The following RPH3A variants were observed in gnomAD, a reference collection of about 807,000 sequenced individuals.
The protein encoded by RPH3A is rabphilin 3A, also known as rabphilin-3A.
RPH3A carries 48 observed loss-of-function variants against 102.2 expected under a neutral mutation model. The observed-to-expected ratio is 0.47, with a 90% CI of 0.37 to 0.60. The LOEUF (loss-of-function observed/expected upper bound fraction) is 0.60, where lower values mean the gene tolerates loss of function less well. Ranked by LOEUF, RPH3A falls within the 20% of genes least tolerant of loss-of-function variation. The pLI is 0.00. For missense variants in RPH3A, 781 were observed against 910.1 expected (o/e 0.86, Z 1.83); for synonymous variants, 310 against 324.3 (o/e 0.96, Z 0.47).
intron 1 of RPH3A, among the ~76,000 whole-genome samples, chr12:112,761,291 G>T (rs2040853628): frequency 6.6e-6 from 1 of 152,196 alleles, no homozygotes; most frequent in Non-Finnish European, 1.5e-5. Flanking sequence ...CATCAACAGA[G>T]AGCAATGTGT....
chr12:112,759,971 G>C (rs886225948), intron 1 of RPH3A, among the ~76,000 whole-genome samples: 1 of 152,170 alleles, frequency 6.6e-6, no homozygotes, highest in Non-Finnish European at 1.5e-5. Context: ...GAGTCACGTC[G>C]GCTGGACCAG....
In RPH3A at chr12:112,883,277, C is replaced by A; in HGVS notation, c.1327-16C>A. ...CACTGAGGTAGGTGTCTCTGTCCAT[C>A]TCTCTCGGGCTCTAGTCCAACAAGC... On this transcript the variant is annotated splice_polypyrimidine_tract_variant and intron_variant, in intron 15 of 21. Transcript: ENST00000389385. 6.2e-7 allele frequency: 1 copy of A among 1,605,630 alleles called. No individual in the cohort carries two copies. The highest frequency in any genetic ancestry group is 1.3e-5 in the African/African-American group (1 of 74,886).
At chr12:112,861,652 A>G (rs1226359668) in intron 5 of RPH3A, among the ~76,000 whole-genome samples, 1 of 152,182 alleles carries the variant, frequency 6.6e-6, no homozygotes, top group Non-Finnish European at 1.5e-5. Flanking sequence ...TCTGTGTCTC[A>G]GTTTTCTCAT....
At chr12:112,831,911 T>G (rs1309443540) in intron 3 of RPH3A, 6 of 414,772 alleles carry the variant, frequency 1.4e-5, no homozygotes, top group Non-Finnish European at 2.9e-5. Context: ...TATTTCTTAT[T>G]GCTTTTTTCT....
At position 112,814,302 on chromosome 12, in the gene RPH3A, C is replaced by A. The variant is rs1360208900; in HGVS notation, c.-18-13999C>A. 2.0e-5 allele frequency among the ~76,000 whole-genome samples: 3 copies of A among 151,998 alleles called. No individual in the cohort carries two copies. The East Asian group carries it at 5.8e-4, about 29-fold the overall frequency. On this transcript the variant is annotated intron_variant, in intron 2 of 21. Coordinates refer to ENST00000389385, the MANE Select transcript of RPH3A (RefSeq NM_001143854.2). ...CCCCCTATATGTGGGGCATTTTAAC[C>A]ACATATAAGAGAGAAGAGTCTGTGA...
intron 1 of RPH3A, among the ~76,000 whole-genome samples, chr12:112,725,921 G>A (rs1393080220): frequency 6.6e-6 from 1 of 151,692 alleles, no homozygotes; most frequent in Non-Finnish European, 1.5e-5. Flanking sequence ...TCAGCCTCAC[G>A]AGTAGCTGGG....
chr12:112,766,414 C>T (rs116279769), intron 1 of RPH3A, among the ~76,000 whole-genome samples: 2,106 of 152,280 alleles, frequency 0.014, 49 homozygotes, highest in African/African-American at 0.048. Flanking sequence ...CACCTCAACC[C>T]CTGGTCTTAG....
At position 112,752,968 on chromosome 12, in the gene RPH3A, C is replaced by CTTTTTTTTTTT. The variant is rs3037266; in HGVS notation, c.-139-39165_-139-39155dup. Among the ~76,000 whole-genome samples the CTTTTTTTTTTT allele has an allele frequency of 2.5e-5, 3 of 118,934 alleles. 1 individual carries two copies. Among genetic ancestry groups the CTTTTTTTTTTT allele is most frequent in the African/African-American group, 6.6e-5 (2 of 30,408 alleles). 78.0% of individuals were successfully genotyped at this position (118,934 alleles called of 152,430 possible). ...GTACATTTGGGTGGTGTCCAGTTTT[C>CTTTTTTTTTTT]TTTTTTTTTTTTTTTTTTTTGCTGT... On this transcript the variant is annotated intron_variant, in intron 1 of 21. Transcript: ENST00000543106.
chr12:112,864,764 C>T (rs1593100204), intron 5 of RPH3A, among the ~76,000 whole-genome samples: 1 of 152,214 alleles, frequency 6.6e-6, no homozygotes, highest in Admixed American at 6.5e-5. Flanking sequence ...AGTCTTCCTG[C>T]GTTCTGTTCA....
At chr12:112,651,134 T>C (rs1446757112) in intron 1 of RPH3A, among the ~76,000 whole-genome samples, 1 of 151,546 alleles carries the variant, frequency 6.6e-6, no homozygotes, top group East Asian at 2.0e-4. Context: ...CTGAGACGGG[T>C]GGATCGCTTG....
At chr12:112,831,807 T>C (rs2041975071) in intron 3 of RPH3A, 1 of 455,924 alleles carries the variant, frequency 2.2e-6, no homozygotes, top group African/African-American at 2.0e-5. Flanking sequence ...GTTAAGAGTC[T>C]TAAGCCAACA....
chr12:112,695,472 T>A lies in RPH3A; in HGVS notation c.-139-96671T>A, dbSNP rs368054946. ...TAGGCCAGTTTCAGAGGTTGATCAA[T>A]AAAGGAGGAAGTGCTATAGCTCACT... On this transcript the variant is annotated intron_variant, in intron 1 of 21. Coordinates refer to the RPH3A transcript ENST00000543106. Among the ~76,000 whole-genome samples, 3 of 152,156 alleles carry A rather than the reference T, an allele frequency of 2.0e-5. No individual in the cohort carries two copies. In the East Asian group the frequency reaches 5.8e-4, roughly 29 times the overall value.
intron 4 of RPH3A, among the ~76,000 whole-genome samples, chr12:112,845,430 C>T (rs1172735712): frequency 6.6e-6 from 1 of 152,210 alleles, no homozygotes; most frequent in South Asian, 2.1e-4. Context: ...ACAAAACCAG[C>T]TTGCTTCTGC....
chr12:112,630,185 A>C (rs1244506808), intron 1 of RPH3A, among the ~76,000 whole-genome samples: 1 of 151,914 alleles, frequency 6.6e-6, no homozygotes, highest in Non-Finnish European at 1.5e-5. Flanking sequence ...CCATCCACCC[A>C]TCCAATTATT....
At chr12:112,635,117 A>G (rs949134066) in intron 1 of RPH3A, among the ~76,000 whole-genome samples, 3 of 152,202 alleles carry the variant, frequency 2.0e-5, no homozygotes, top group African/African-American at 7.2e-5. Context: ...GATAGTAAAT[A>G]TTTTAGGGTT....
chr12:112,776,338 C>T (rs1343607689), intron 1 of RPH3A, among the ~76,000 whole-genome samples: 1 of 152,188 alleles, frequency 6.6e-6, no homozygotes, highest in Non-Finnish European at 1.5e-5. Context: ...AATAAACACG[C>T]TCTTATTGCT....
intron 2 of RPH3A, among the ~76,000 whole-genome samples, chr12:112,796,042 C>T (rs549074895): frequency 6.6e-6 from 1 of 152,098 alleles, no homozygotes; most frequent in Non-Finnish European, 1.5e-5. Flanking sequence ...CCCTCTTGTT[C>T]CCCACTGCAG....
intron 2 of RPH3A, among the ~76,000 whole-genome samples, chr12:112,795,301 G>T (rs1008070569): frequency 6.6e-6 from 1 of 152,200 alleles, no homozygotes; most frequent in African/African-American, 2.4e-5. Flanking sequence ...TTGATGTGAA[G>T]CCAATGAGAA....
intron 1 of RPH3A, among the ~76,000 whole-genome samples, chr12:112,757,343 C>A (rs888634711): frequency 1.3e-5 from 2 of 152,150 alleles, no homozygotes; most frequent in African/African-American, 2.4e-5. Flanking sequence ...TAGCCTTCTG[C>A]GGCAAAGAGC....
Sources: allele counts gnomAD v4.1 joint callset (sites outside exome capture counted in the v4.1 genomes callset), GRCh38; gene constraint gnomAD v4.1.1; transcripts MANE v1.5; gene names NCBI Gene and HGNC (gene_info 2026-07-23, HGNC 2026-07-21).